LYST: variants seen among roughly 807,000 people sequenced by gnomAD.
LYST encodes the protein lysosomal trafficking regulator.
In LYST, 192 loss-of-function variants were observed where a neutral mutation model predicts 413.6. The ratio of observed to expected loss-of-function variants is 0.46; its 90% CI spans 0.41 to 0.52. The LOEUF is 0.52. Among genes scored for constraint, LYST ranks in the 20% least tolerant of loss-of-function variants. The pLI is 0.00. For synonymous variants in LYST, 1,525 were observed against 1,567.3 expected, an observed-to-expected ratio of 0.97 and a Z score of 0.64; for missense variants, 3,815 against 4,499.9, an observed-to-expected ratio of 0.85 and a Z score of 4.35.
At chr1:235,704,953 C>T (rs1333424411) in intron 44 of LYST, among the ~76,000 whole-genome samples, 1 of 152,064 alleles carries the variant, frequency 6.6e-6, no homozygotes, top group Non-Finnish European at 1.5e-5. Flanking sequence ...TAAGTGAACC[C>T]CATGTATTAG....
chr1:235,755,697 A>G (rs528816835), intron 24 of LYST, 50 bp from the exon 25 acceptor site: 2 of 924,304 alleles, frequency 2.2e-6, no homozygotes, highest in South Asian at 1.3e-5. Flanking sequence ...AATTAAATAT[A>G]ATATATACAA....
At position 235,674,540 on chromosome 1, in the gene LYST, C is replaced by T. The variant is rs1394263945; in HGVS notation, c.11038+2551G>A. On this transcript the variant is annotated intron_variant, in intron 50 of 52. Coordinates refer to ENST00000389793, the MANE Select transcript of LYST (RefSeq NM_000081.4). The surrounding 1 kb of genome is among the most constrained non-coding windows in gnomAD (Gnocchi z 4.1). Reference sequence around the variant, plus strand: ...CTGCAGGATTTGAATCTATATTGTTCTCATGGGTAACTGCAAGCAAAAATG... The same window carrying T: ...CTGCAGGATTTGAATCTATATTGTTTTCATGGGTAACTGCAAGCAAAAATG... Among the ~76,000 whole-genome samples, 2 of 152,014 alleles carry T rather than the reference C, an allele frequency of 1.3e-5. No individual in the cohort carries two copies. Among genetic ancestry groups the T allele is most frequent in the Non-Finnish European group, 2.9e-5 (2 of 68,026 alleles).
intron 16 of LYST, among the ~76,000 whole-genome samples, chr1:235,779,882 G>C (rs567151516): frequency 1.3e-5 from 2 of 152,246 alleles, no homozygotes; most frequent in Admixed American, 6.5e-5. Context: ...GCAAGAGAAA[G>C]AGGAACCCAG....
In LYST at chr1:235,810,543, A is replaced by G. The variant is rs1197164021; in HGVS notation, c.284-9T>C. The G allele has an allele frequency of 6.2e-7, 1 of 1,608,230 alleles. No homozygotes were observed. The highest frequency in any genetic ancestry group is 8.5e-7 in the Non-Finnish European group (1 of 1,179,156). ...GAGCGGTAGGTTAAAATCTAATGGA[A>G]TGAAAAAAGAAGGCTTAGAATACCT... On this transcript the variant is annotated splice_polypyrimidine_tract_variant and intron_variant, in intron 4 of 52. Coordinates refer to ENST00000389793, the MANE Select transcript of LYST (RefSeq NM_000081.4).
chr1:235,716,525 A>C (rs1351621143), intron 41 of LYST, among the ~76,000 whole-genome samples, 187 bp downstream of exon 41: 1 of 152,198 alleles, frequency 6.6e-6, no homozygotes, highest in Admixed American at 6.5e-5. Flanking sequence ...TTTCTGGGCA[A>C]AGTGTTCTCA....
intron 23 of LYST, among the ~76,000 whole-genome samples, chr1:235,757,843 A>G (rs1312474804): frequency 6.6e-6 from 1 of 151,842 alleles, no homozygotes; most frequent in Non-Finnish European, 1.5e-5. Context: ...CATTGCAGAA[A>G]GTTTCACTGG....
intron 31 of LYST, among the ~76,000 whole-genome samples, chr1:235,739,161 A>C (rs1665107727): frequency 2.0e-5 from 3 of 152,224 alleles, no homozygotes; most frequent in Non-Finnish European, 4.4e-5. Flanking sequence ...AAAATCCTAC[A>C]GTATATTCTG....
intron 38 of LYST, among the ~76,000 whole-genome samples, chr1:235,727,764 G>A (rs1017118983): frequency 6.6e-6 from 1 of 152,068 alleles, no homozygotes; most frequent in Non-Finnish European, 1.5e-5. Context: ...TGAACTGGGA[G>A]TGGCAAGGAA....
chr1:235,806,698 C>T lies in LYST; in HGVS notation c.2438G>A (p.Arg813Gln), dbSNP rs558162561. 386 of 1,613,102 alleles carry T rather than the reference C, an allele frequency of 2.4e-4. No individual in the cohort carries two copies. The highest frequency in any genetic ancestry group is 3.1e-4 in the Non-Finnish European group (367 of 1,179,334). The change falls in exon 6 of 53, where the codon CGA becomes CAA. Residue 813 changes from arginine to glutamine, a missense_variant. Arg to Gln is a conservative substitution (Grantham distance 43, BLOSUM62 1). Coordinates refer to ENST00000389793, the MANE Select transcript of LYST (RefSeq NM_000081.4). ...TTCAAATGCTTTTAGAGAATGACTT[C>T]GAATACCATTTAAGCAATTTAATTC... Reference protein sequence around the residue: ...IIELNCLNGIRSHSLKAFETL... With the variant: ...IIELNCLNGIQSHSLKAFETL...
At chr1:235,689,630 A>G (rs1306913095) in intron 47 of LYST, among the ~76,000 whole-genome samples, 1 of 152,212 alleles carries the variant, frequency 6.6e-6, no homozygotes, top group Non-Finnish European at 1.5e-5. Context: ...GAAATTTGCT[A>G]AGATAGTAGA....
In LYST at chr1:235,751,128, T is replaced by G; in HGVS notation, c.7780+82A>C. ...ATTTTATGTAAAACAAGAAATATTTTAAAAGTGTGAATGGCATAAGAACAT... is the reference window on the plus strand; with the variant it reads ...ATTTTATGTAAAACAAGAAATATTTGAAAAGTGTGAATGGCATAAGAACAT... On this transcript the variant is annotated intron_variant, in intron 28 of 52. Coordinates refer to ENST00000389793, the MANE Select transcript of LYST (RefSeq NM_000081.4). 2.3e-6 allele frequency: 3 copies of G among 1,316,342 alleles called. No individual in the cohort carries two copies. In the Admixed American group the frequency reaches 5.1e-5, roughly 22 times the overall value. The allele number at this position is 1,316,342 out of a possible 1,614,324, so 81.5% of individuals were successfully genotyped here. A position where few individuals can be genotyped will look rare whatever the true frequency, so the allele number is the denominator to read the frequency against.
At chr1:235,697,973 C>T (rs1262592877) in intron 45 of LYST, among the ~76,000 whole-genome samples, 1 of 152,084 alleles carries the variant, frequency 6.6e-6, no homozygotes, top group African/African-American at 2.4e-5. Context: ...TGCCCACGAA[C>T]GGTAATGAAA....
intron 3 of LYST, 98 bp downstream of exon 3, chr1:235,830,128 T>G: frequency 1.1e-6 from 1 of 873,640 alleles, no homozygotes; most frequent in South Asian, 1.4e-5. Context: ...CTGGACTTTA[T>G]CTCAAGGAGG....
In LYST at chr1:235,694,550, T is replaced by A. The variant is rs569478303; in HGVS notation, c.10565-1064A>T. On this transcript the variant is annotated intron_variant, in intron 46 of 52. Transcript: ENST00000389793. ...ACCTAGCAGAATACCCAGAAGTAGA[T>A]GAGTATAACAAATAAATATTTCTTG... Among the ~76,000 whole-genome samples the A allele has an allele frequency of 1.6e-4, 24 of 152,330 alleles. No individual in the cohort carries two copies. In the South Asian group the frequency reaches 4.3e-3, roughly 28 times the overall value.
At chr1:235,683,542 G>T (rs1659992142) in intron 48 of LYST, among the ~76,000 whole-genome samples, 1 of 152,156 alleles carries the variant, frequency 6.6e-6, no homozygotes, top group Admixed American at 6.5e-5. Flanking sequence ...CATTTTAGAA[G>T]ACTTTTATCT....
intron 4 of LYST, among the ~76,000 whole-genome samples, 153 bp from the exon 5 acceptor site, chr1:235,810,687 T>C (rs1287550678): frequency 1.3e-5 from 2 of 152,202 alleles, no homozygotes; most frequent in Non-Finnish European, 2.9e-5. Flanking sequence ...TTATGTCATA[T>C]CTCTGGGTTA....
Position 235,709,211 on chromosome 1 carries a change from A to G in LYST, c.10023T>C (p.His3341=). 2 of 1,614,162 alleles carry G rather than the reference A, an allele frequency of 1.2e-6. No homozygotes were observed. Among genetic ancestry groups the G allele is most frequent in the Non-Finnish European group, 1.7e-6 (2 of 1,180,002 alleles). ...CGTAGTCAGACTCTAGAGCCTGCCG[A>G]TGGATGAGGATAAAAAGACGAGGAT... ...RNDPRLFILI[H]RQALESDYVS... The change falls in exon 44 of 53, where the codon CAT becomes CAC. Residue 3341 remains histidine (H), a synonymous_variant. Coordinates refer to ENST00000389793, the MANE Select transcript of LYST (RefSeq NM_000081.4).
At chr1:235,872,939 AG>A (rs1681001423) in intron 1 of LYST, among the ~76,000 whole-genome samples, 1 of 152,166 alleles carries the variant, frequency 6.6e-6, no homozygotes, top group South Asian at 2.1e-4. Flanking sequence ...AAAGTTGGGA[AG>A]AAAAAGAATA....
intron 37 of LYST, among the ~76,000 whole-genome samples, chr1:235,729,101 T>C (rs1032861948): frequency 2.6e-5 from 4 of 152,248 alleles, no homozygotes; most frequent in South Asian, 2.1e-4. Flanking sequence ...AGTGGTATAA[T>C]TGTTTTCCTT....
Sources: gnomAD v4.1 joint callset for allele counts (sites outside exome capture counted in the v4.1 genomes callset) on GRCh38, gnomAD v4.1.1 for gene constraint, Gnocchi (gnomAD v3.1) non-coding constraint, MANE v1.5 for transcripts, NCBI Gene and HGNC (gene_info 2026-07-23, HGNC 2026-07-21) for gene names.